Variants in WASF3 observed in about 807,000 individuals in gnomAD.
WASF3 encodes the protein WASP family member 3.
In WASF3, 11 loss-of-function variants were observed where a neutral mutation model predicts 46.6. The observed-to-expected ratio is 0.24, with a 90% CI of 0.15 to 0.39. The LOEUF (loss-of-function observed/expected upper bound fraction) is 0.39, where lower values mean the gene tolerates loss of function less well. Among genes scored for constraint, WASF3 ranks in the 10% least tolerant of loss-of-function variants. The pLI, the probability that WASF3 is intolerant of heterozygous loss-of-function variation, is 1.00. For synonymous variants in WASF3, 242 were observed against 259.7 expected, an observed-to-expected ratio of 0.93 and a Z score of 0.65; for missense variants, 576 against 669.8, an observed-to-expected ratio of 0.86 and a Z score of 1.55.
intron 1 of WASF3, among the ~76,000 whole-genome samples, chr13:26,610,258 A>T (rs1195543375): frequency 6.6e-6 from 1 of 152,208 alleles, no homozygotes; most frequent in African/African-American, 2.4e-5. Context: ...ATTATGGCTT[A>T]AATTCAGTGA....
At chr13:26,553,671 G>T (rs555165938), upstream of WASF3, among the ~76,000 whole-genome samples, 121 of 152,068 alleles carry the variant, frequency 8.0e-4, no homozygotes, top group African/African-American at 2.8e-3. Context: ...CAAAAAATTA[G>T]CCAGTTGTGG....
At chr13:26,630,968 G>A (rs928502789) in intron 2 of WASF3, among the ~76,000 whole-genome samples, 12 of 152,184 alleles carry the variant, frequency 7.9e-5, no homozygotes, top group African/African-American at 2.4e-4. Flanking sequence ...CTTTTGAGAA[G>A]TGTCTGTTCA....
At chr13:26,595,667 C>T (rs879929821) in intron 1 of WASF3, among the ~76,000 whole-genome samples, 1 of 152,184 alleles carries the variant, frequency 6.6e-6, no homozygotes, top group Non-Finnish European at 1.5e-5. Context: ...CTCAGCCATC[C>T]TATTCCTTGT....
intron 6 of WASF3, among the ~76,000 whole-genome samples, chr13:26,673,238 TG>T (rs1347125088): frequency 1.3e-5 from 2 of 152,206 alleles, no homozygotes; most frequent in African/African-American, 4.8e-5. Flanking sequence ...TTTAATTTTT[TG>T]CCACTCTTCT....
intron 1 of WASF3, among the ~76,000 whole-genome samples, chr13:26,609,018 G>C (rs560398844): frequency 6.6e-6 from 1 of 152,284 alleles, no homozygotes; most frequent in African/African-American, 2.4e-5. Context: ...TCTCGAGCTA[G>C]CTTCTCATTT....
At chr13:26,590,209 C>T (rs1043301094) in intron 1 of WASF3, among the ~76,000 whole-genome samples, 1 of 151,842 alleles carries the variant, frequency 6.6e-6, no homozygotes, top group Non-Finnish European at 1.5e-5. Context: ...ATTTTTTATT[C>T]GTGACCCTCT....
intron 5 of WASF3, among the ~76,000 whole-genome samples, chr13:26,671,003 T>C (rs919928736): frequency 1.3e-5 from 2 of 152,326 alleles, no homozygotes; most frequent in African/African-American, 4.8e-5. Context: ...TTAACTGATT[T>C]TGCTTCCCCT....
intron 1 of WASF3, among the ~76,000 whole-genome samples, chr13:26,572,251 C>G: frequency 6.6e-6 from 1 of 152,270 alleles, no homozygotes; most frequent in Middle Eastern, 3.4e-3. Flanking sequence ...AGTGGGCATT[C>G]GTATCTGGTT....
chr13:26,669,373 G>A lies in WASF3; in HGVS notation c.422+1703G>A, dbSNP rs145839135. Among the ~76,000 whole-genome samples, 3 of 151,308 alleles carry A rather than the reference G, an allele frequency of 2.0e-5. No individual in the cohort carries two copies. The East Asian group carries it at 5.8e-4, about 29-fold the overall frequency. ...CTTTTTAATAGTGTGTTTAAGGATA[G>A]CAGTGCCAGCCCAAATTTGCTTTTT... On this transcript the variant is annotated intron_variant, in intron 5 of 9. Transcript: ENST00000335327.
intron 1 of WASF3, among the ~76,000 whole-genome samples, chr13:26,594,784 C>G (rs1880411286): frequency 6.7e-6 from 1 of 148,384 alleles, no homozygotes; most frequent in Non-Finnish European, 1.5e-5. Flanking sequence ...GATTTTTCTT[C>G]CTTCTCCTTC....
At chr13:26,676,221 C>A (rs1883064414) in intron 6 of WASF3, among the ~76,000 whole-genome samples, 1 of 152,094 alleles carries the variant, frequency 6.6e-6, no homozygotes, top group Non-Finnish European at 1.5e-5. Flanking sequence ...GGTTGTTCAC[C>A]CATGTAATAT....
chr13:26,587,243 A>T (rs1451986459), intron 1 of WASF3, among the ~76,000 whole-genome samples: 1 of 150,554 alleles, frequency 6.6e-6, no homozygotes, highest in Admixed American at 6.6e-5. Context: ...GAAAAATTGG[A>T]AACAACTGAA....
At chr13:26,617,080 T>C (rs1335124931) in intron 2 of WASF3, among the ~76,000 whole-genome samples, 1 of 152,250 alleles carries the variant, frequency 6.6e-6, no homozygotes, top group Non-Finnish European at 1.5e-5. Context: ...GCTTTTTTTC[T>C]TACAACTTTT....
intron 2 of WASF3, among the ~76,000 whole-genome samples, chr13:26,635,160 G>A (rs4384471): frequency 4.6e-5 from 7 of 151,494 alleles, no homozygotes; most frequent in African/African-American, 1.7e-4. Flanking sequence ...ACATAGTCCC[G>A]TATTTCTTGG....
At chr13:26,672,013 T>A in intron 6 of WASF3, 24 bp downstream of exon 6, 5 of 1,473,696 alleles carry the variant, frequency 3.4e-6, no homozygotes, top group Non-Finnish European at 4.7e-6. Flanking sequence ...GTATGGGAAA[T>A]GTGCATATCA....
chr13:26,685,032 G>A (rs750881147), intron 9 of WASF3, among the ~76,000 whole-genome samples: 4 of 151,004 alleles, frequency 2.6e-5, no homozygotes, highest in African/African-American at 4.9e-5. Context: ...AGGCTGCAGT[G>A]AGCCATGATC....
intron 1 of WASF3, among the ~76,000 whole-genome samples, chr13:26,608,343 G>T (rs947670923): frequency 7.2e-5 from 11 of 152,108 alleles, no homozygotes; most frequent in Admixed American, 5.9e-4. Context: ...AAAACTCAGA[G>T]AATTTCTCTT....
At chr13:26,586,542 C>G (rs1035055438) in intron 1 of WASF3, among the ~76,000 whole-genome samples, 2 of 152,100 alleles carry the variant, frequency 1.3e-5, no homozygotes, top group Non-Finnish European at 2.9e-5. Context: ...GTTTTAATAT[C>G]TGATAGGGGA....
At chr13:26,577,705 A>G (rs1319086268) in intron 1 of WASF3, 1 of 824,364 alleles carries the variant, frequency 1.2e-6, no homozygotes, top group African/African-American at 1.7e-5. Flanking sequence ...AATGGCAAGT[A>G]AAAAGTCCTA....
Sources: allele counts gnomAD v4.1 joint callset (sites outside exome capture counted in the v4.1 genomes callset), GRCh38; gene constraint gnomAD v4.1.1; transcripts MANE v1.5; gene names NCBI Gene and HGNC (gene_info 2026-07-23, HGNC 2026-07-21).